Variants in AAK1 observed in about 807,000 individuals in gnomAD.
The protein encoded by AAK1 is AP2 associated kinase 1, also known as AP2-associated protein kinase 1.
A neutral mutation model predicts 116.0 loss-of-function variants in AAK1; 37 were observed. The ratio of observed to expected loss-of-function variants is 0.32; its 90% confidence interval spans 0.25 to 0.42. The LOEUF is 0.42. Among genes scored for constraint, AAK1 ranks in the 10% least tolerant of loss-of-function variants. The pLI is 1.00. For synonymous variants in AAK1, 458 were observed against 439.9 expected (o/e 1.04, Z -0.51); for missense variants, 919 against 1,170.6 (o/e 0.79, Z 3.14).
At chr2:69,636,448 G>A (rs993195694) in intron 2 of AAK1, among the ~76,000 whole-genome samples, 4 of 152,106 alleles carry the variant, frequency 2.6e-5, no homozygotes, top group African/African-American at 7.2e-5. Context: ...ATGATAGCAG[G>A]ACATGAATAT....
chr2:69,602,367 T>C (rs891420439), intron 2 of AAK1, among the ~76,000 whole-genome samples: 3 of 152,032 alleles, frequency 2.0e-5, no homozygotes, highest in South Asian at 2.1e-4. Context: ...CTTTGTTTTT[T>C]ATTAGTTTAG....
intron 17 of AAK1, among the ~76,000 whole-genome samples, chr2:69,489,545 T>C (rs1171345767): frequency 1.3e-5 from 2 of 151,282 alleles, no homozygotes; most frequent in Non-Finnish European, 2.9e-5. Flanking sequence ...GTTAGGAATA[T>C]GAGCAGGAGG....
At chr2:69,614,510 A>C (rs1674231014) in intron 2 of AAK1, among the ~76,000 whole-genome samples, 1 of 151,962 alleles carries the variant, frequency 6.6e-6, no homozygotes. Flanking sequence ...TAGTCATGGC[A>C]CTCTCCACGG....
At position 69,474,185 on chromosome 2, in the gene AAK1, T is replaced by C. The variant is rs965857571; in HGVS notation, c.*1684A>G. 26 of 985,702 alleles carry C rather than the reference T, an allele frequency of 2.6e-5. No individual in the cohort carries two copies. The highest frequency in any genetic ancestry group is 3.1e-5 in the Non-Finnish European group (26 of 829,928). 61.1% of individuals were successfully genotyped at this position (985,702 alleles called of 1,614,324 possible). On this transcript the variant is annotated 3_prime_UTR_variant, in exon 22 of 22. Transcript: ENST00000409085. ...TTATAGGCTGTTGTTGCTGTTAAAC[T>C]TTTTTCCCCCATAAAGTGCAAATGT...
intron 2 of AAK1, among the ~76,000 whole-genome samples, chr2:69,632,664 C>T (rs13414564): frequency 0.015 from 2,229 of 152,246 alleles, 55 homozygotes; most frequent in African/African-American, 0.051. Flanking sequence ...TTTGGGAGAC[C>T]AAGGCAGGCA....
At chr2:69,596,277 G>C (rs941380326) in intron 2 of AAK1, among the ~76,000 whole-genome samples, 1 of 149,298 alleles carries the variant, frequency 6.7e-6, no homozygotes, top group Non-Finnish European at 1.5e-5. Context: ...CTCAAGTGCA[G>C]TGGCGCCATT....
rs944241068 is a variant in AAK1, at chr2:69,551,399, T to C, written c.282+5461A>G. 3.9e-5 allele frequency among the ~76,000 whole-genome samples: 6 copies of C among 152,158 alleles called. No individual in the cohort carries two copies. In the South Asian group the frequency reaches 1.2e-3, roughly 32 times the overall value. On this transcript the variant is annotated intron_variant, in intron 3 of 21. Transcript: ENST00000409085. ...GTACATGTACCCTGGAACTTAAAAG[T>C]TGAAGAAAAAAATAAAATAATCTGT...
At chr2:69,570,112 C>T (rs1672033178) in intron 2 of AAK1, among the ~76,000 whole-genome samples, 1 of 152,032 alleles carries the variant, frequency 6.6e-6, no homozygotes, top group South Asian at 2.1e-4. Context: ...ATGACAGTTC[C>T]AGTCCCTTTA....
At chr2:69,499,525 C>T (rs1208556237) in intron 16 of AAK1, among the ~76,000 whole-genome samples, 1 of 152,104 alleles carries the variant, frequency 6.6e-6, no homozygotes, top group Non-Finnish European at 1.5e-5. Flanking sequence ...TCCATGAAAC[C>T]AAAGACCTCC....
intron 17 of AAK1, among the ~76,000 whole-genome samples, chr2:69,495,719 ACAAT>A (rs1675711776): frequency 6.6e-6 from 1 of 152,148 alleles, no homozygotes; most frequent in African/African-American, 2.4e-5. Context: ...CACCATTAAC[ACAAT>A]CAAGGATGAA....
chr2:69,496,524 A>C (rs550806486), intron 16 of AAK1, among the ~76,000 whole-genome samples: 1 of 152,234 alleles, frequency 6.6e-6, no homozygotes, highest in African/African-American at 2.4e-5. Flanking sequence ...TCAGCCTCCC[A>C]AAGTGCTGGG....
At chr2:69,511,012 T>C (rs1454311287) in intron 13 of AAK1, among the ~76,000 whole-genome samples, 1 of 152,224 alleles carries the variant, frequency 6.6e-6, no homozygotes, top group African/African-American at 2.4e-5. Flanking sequence ...ATAAGTCACC[T>C]ATATCAAGGA....
At position 69,640,014 on chromosome 2, in the gene AAK1, AACACACACACAC is replaced by A. The variant is rs376034914; in HGVS notation, c.163+2852_163+2863del. Among the ~76,000 whole-genome samples, 103 of 103,770 alleles carry A rather than the reference AACACACACACAC, an allele frequency of 9.9e-4. 1 individual carries two copies. Among genetic ancestry groups the A allele is most frequent in the Non-Finnish European group, 4.4e-4 (23 of 52,104 alleles). The allele number at this position is 103,770 out of a possible 152,430, so 68.1% of individuals were successfully genotyped here. A position where few individuals can be genotyped will look rare whatever the true frequency, so the allele number is the denominator to read the frequency against. ...TTTCACATTGCTCCCACTCCCCTTT[AACACACACACAC>A]ACACACACACACACACACACACACA... On this transcript the variant is annotated intron_variant, in intron 2 of 21. Transcript: ENST00000409085.
rs1036783282 is a variant in AAK1 at position 69,461,388 on chromosome 2, AT to A, written c.*14480del. ...TCATCATTAAGTGGGGCATGACTGT[AT>A]TTTTTTTTCTCTTTAAGGAAATAAG... On this transcript the variant is annotated 3_prime_UTR_variant, in exon 22 of 22. Coordinates refer to ENST00000409085, the MANE Select transcript of AAK1 (RefSeq NM_014911.5). 2.7e-3 allele frequency: 615 copies of A among 228,884 alleles called. 3 individuals are homozygous for A. Among genetic ancestry groups the A allele is most frequent in the African/African-American group, 0.01 (421 of 40,910 alleles). The allele number at this position is 228,884 out of a possible 1,614,324, so 14.2% of individuals were successfully genotyped here.
chr2:69,600,069 A>G (rs2105192590), intron 2 of AAK1, among the ~76,000 whole-genome samples: 1 of 151,854 alleles, frequency 6.6e-6, no homozygotes, highest in Non-Finnish European at 1.5e-5. Flanking sequence ...GGCATGAGCC[A>G]CTGTGTCCAG....
intron 3 of AAK1, among the ~76,000 whole-genome samples, chr2:69,555,483 G>A (rs1009120229): frequency 7.9e-5 from 12 of 152,198 alleles, no homozygotes; most frequent in Non-Finnish European, 1.0e-4. Flanking sequence ...AGGGGCAAGC[G>A]GAGCCTGATG....
At chr2:69,509,968 T>C (rs978710832) in intron 13 of AAK1, among the ~76,000 whole-genome samples, 1 of 152,222 alleles carries the variant, frequency 6.6e-6, no homozygotes, top group Non-Finnish European at 1.5e-5. Flanking sequence ...CTCTCTGCCA[T>C]AGCGAGACCA....
chr2:69,556,918 C>T lies in AAK1; in HGVS notation c.224G>A (p.Arg75His), dbSNP rs1671408586. 3 of 1,613,944 alleles carry T rather than the reference C, an allele frequency of 1.9e-6. No individual in the cohort carries two copies. Among genetic ancestry groups the T allele is most frequent in the South Asian group, 1.1e-5 (1 of 91,082 alleles). ...ATCATGCTCATTGTTGACAAACATG[C>T]GTTTCAAGGCACATTTCATCCCATT... ...TSNGMKCALK[R>H]MFVNNEHDLQ... The change falls in exon 3 of 22, where the codon CGC becomes CAC. Residue 75 changes from arginine to histidine, a missense_variant. Transcript: ENST00000409085.
At chr2:69,595,186 C>T (rs1409108316) in intron 2 of AAK1, 4 of 377,010 alleles carry the variant, frequency 1.1e-5, no homozygotes, top group Non-Finnish European at 2.1e-5. Flanking sequence ...GATCTTGGCT[C>T]ACTGCAACCT....
Sources: allele counts gnomAD v4.1 joint callset (sites outside exome capture counted in the v4.1 genomes callset), GRCh38; gene constraint gnomAD v4.1.1; transcripts MANE v1.5; gene names NCBI Gene and HGNC (gene_info 2026-07-23, HGNC 2026-07-21).